Variants in CACNA1S observed in about 807,000 individuals in gnomAD.
CACNA1S encodes voltage-dependent L-type calcium channel subunit alpha-1S.
A neutral mutation model predicts 207.4 loss-of-function variants in CACNA1S; 126 were observed. That is an observed-to-expected ratio of 0.61 (90% CI 0.53 to 0.70). CACNA1S has a LOEUF of 0.70. CACNA1S is among the 30% of genes least tolerant of loss of function. The probability of loss-of-function intolerance (pLI) is 0.00; values close to 1 mark genes in which losing one functional copy is unlikely to be tolerated. For missense variants in CACNA1S, 2,349 were observed against 2,422.8 expected (o/e 0.97, Z 0.64); for synonymous variants, 960 against 932.7 (o/e 1.03, Z -0.53).
chr1:201,073,657 CCA>C lies in CACNA1S; in HGVS notation c.2064-17_2064-16del. ...CTGGGAGACCCCTGAGTTAGAAAAC[CCA>C]AAGTGGAAGCCAAACCAGAAAGTTC... On this transcript the variant is annotated splice_polypyrimidine_tract_variant and intron_variant, in intron 14 of 43. Coordinates refer to ENST00000362061, the MANE Select transcript of CACNA1S (RefSeq NM_000069.3). 6.2e-7 allele frequency: 1 copy of C among 1,606,768 alleles called. No homozygotes were observed. Among genetic ancestry groups the C allele is most frequent in the Non-Finnish European group, 8.5e-7 (1 of 1,173,288 alleles).
chr1:201,072,862 G>C (rs1209459169), intron 15 of CACNA1S, 38 bp from the exon 16 acceptor site: 1 of 1,558,220 alleles, frequency 6.4e-7, no homozygotes, highest in Non-Finnish European at 8.9e-7. Context: ...CAATGAAAAA[G>C]AAGTTGCGGT....
intron 36 of CACNA1S, among the ~76,000 whole-genome samples, chr1:201,047,923 C>T (rs2102554062): frequency 6.6e-6 from 1 of 152,332 alleles, no homozygotes; most frequent in African/African-American, 2.4e-5. Flanking sequence ...TTCAATTCCC[C>T]AGGCACTGTG....
At chr1:201,051,903 C>T (rs1414757891) in intron 32 of CACNA1S, among the ~76,000 whole-genome samples, 1 of 152,200 alleles carries the variant, frequency 6.6e-6, no homozygotes, top group African/African-American at 2.4e-5. Flanking sequence ...TGCCGGTCTC[C>T]TTTTCACAGG....
intron 22 of CACNA1S, 39 bp downstream of exon 22, chr1:201,065,799 G>T: frequency 1.4e-6 from 2 of 1,426,464 alleles, no homozygotes; most frequent in Non-Finnish European, 2.0e-6. Context: ...CCAGGGCTGG[G>T]AGCGGGAGGG....
chr1:201,092,095 C>G lies in CACNA1S; in HGVS notation c.418G>C (p.Glu140Gln), dbSNP rs765663494. 7 of 1,614,010 alleles carry G rather than the reference C, an allele frequency of 4.3e-6. No individual in the cohort carries two copies. Among genetic ancestry groups the G allele is most frequent in the Non-Finnish European group, 5.9e-6 (7 of 1,180,004 alleles). Residue 140 changes from glutamate (E) to glutamine (Q), a missense_variant, in exon 4 of 44, where the codon GAA (glutamate) becomes CAA (glutamine). Glu to Gln is a conservative substitution (Grantham distance 29, BLOSUM62 2). Coordinates refer to ENST00000362061, the MANE Select transcript of CACNA1S (RefSeq NM_000069.3). ...TGGCTTTGGATGACGTTAACCTGTT[C>G]CAGAATCACGGTGAAGACCCTAGAA... Reference protein sequence around the residue: ...VFLGVFTVILEQVNVIQSHTA... With the variant: ...VFLGVFTVILQQVNVIQSHTA...
chr1:201,080,738 T>TG (rs1661813755), intron 10 of CACNA1S, among the ~76,000 whole-genome samples: 3 of 152,132 alleles, frequency 2.0e-5, no homozygotes, highest in South Asian at 4.1e-4. Flanking sequence ...TGCAGTTTTT[T>TG]TTTGTTGTTG....
In CACNA1S at chr1:201,040,711, G is replaced by T; in HGVS notation, c.5137C>A (p.Pro1713Thr). 6.2e-7 allele frequency: 1 copy of T among 1,613,604 alleles called. No individual in the cohort carries two copies. The change falls in exon 42 of 44, where the codon CCC (proline) becomes ACC (threonine). Residue 1713 changes from proline (P) to threonine (T), a missense_variant and splice_region_variant. By Grantham distance (38) the Pro-to-Thr change is conservative. Transcript: ENST00000362061. ...ATCTCCACACAGGGTTTGCTGTGGGGTCCTGTATGCAAGAAGGGGCAAGGA... is the reference window on the plus strand; with the variant it reads ...ATCTCCACACAGGGTTTGCTGTGGGTTCCTGTATGCAAGAAGGGGCAAGGA... Reference protein sequence around the residue: ...ALGQPCRVLGPHSKPCVEMLK... With the variant: ...ALGQPCRVLGTHSKPCVEMLK...
chr1:201,109,559 C>T (rs558135530), intron 2 of CACNA1S, among the ~76,000 whole-genome samples: 4 of 152,240 alleles, frequency 2.6e-5, no homozygotes, highest in African/African-American at 7.2e-5. Context: ...TTTTCTCATC[C>T]ATAAAACAGA....
chr1:201,085,792 A>G (rs1191033696), intron 7 of CACNA1S, among the ~76,000 whole-genome samples: 1 of 151,922 alleles, frequency 6.6e-6, no homozygotes, highest in African/African-American at 2.4e-5. Context: ...CTCCAGGAAC[A>G]TCCTGGAGTA....
intron 10 of CACNA1S, 45 bp from the exon 11 acceptor site, chr1:201,078,149 C>A (rs1363546404): frequency 4.1e-6 from 6 of 1,449,306 alleles, no homozygotes; most frequent in Non-Finnish European, 5.8e-6. Context: ...TCCTTCCCTT[C>A]TCCTGACTCC....
rs369399876 is a variant in CACNA1S at position 201,049,284 on chromosome 1, T to G, written c.4242-185A>C. On this transcript the variant is annotated intron_variant, in intron 34 of 43. Coordinates refer to ENST00000362061, the MANE Select transcript of CACNA1S (RefSeq NM_000069.3). Reference sequence around the variant, plus strand: ...AAGAAGAGACAATGTTAGGATTAACTGTTGTCTACAAAATGGGTACCCCAA... The same window carrying G: ...AAGAAGAGACAATGTTAGGATTAACGGTTGTCTACAAAATGGGTACCCCAA... Among the ~76,000 whole-genome samples the G allele has an allele frequency of 2.4e-4, 37 of 152,362 alleles. No homozygotes were observed. In the East Asian group the frequency reaches 6.0e-3, roughly 25 times the overall value.
rs377170574 is a variant in CACNA1S, at chr1:201,089,244, G to A, written c.900+14C>T. ...TGAAGGGAGATGGTTCTGCAGGCGC[G>A]GGCCCAGACCCACCCAGTAAAGGAC... On this transcript the variant is annotated intron_variant, in intron 6 of 43. Transcript: ENST00000362061. 264 of 1,613,236 alleles carry A rather than the reference G, an allele frequency of 1.6e-4. No individual in the cohort carries two copies. The African/African-American group carries it at 2.9e-3, about 18-fold the overall frequency.
rs757379704 is a variant in CACNA1S at position 201,047,264 on chromosome 1, C to A, written c.4544-25G>T. On this transcript the variant is annotated intron_variant, in intron 37 of 43. Coordinates refer to ENST00000362061, the MANE Select transcript of CACNA1S (RefSeq NM_000069.3). ...TCTGCAGAGGAGCCAACAAGAGATGCCCTGAAGGCTAGTGGGAATCTGACA... is the reference window on the plus strand; with the variant it reads ...TCTGCAGAGGAGCCAACAAGAGATGACCTGAAGGCTAGTGGGAATCTGACA... The A allele has an allele frequency of 2.8e-5, 45 of 1,614,026 alleles. No homozygotes were observed. The Admixed American group carries it at 7.3e-4, about 26-fold the overall frequency.
chr1:201,069,359 C>G, intron 18 of CACNA1S, 113 bp downstream of exon 18: 1 of 1,521,000 alleles, frequency 6.6e-7, no homozygotes, highest in Non-Finnish European at 9.0e-7. Context: ...GAACTGAACT[C>G]TAAGAAACTC....
At chr1:201,080,143 T>C (rs1333810878) in intron 10 of CACNA1S, among the ~76,000 whole-genome samples, 1 of 152,152 alleles carries the variant, frequency 6.6e-6, no homozygotes, top group Non-Finnish European at 1.5e-5. Context: ...GCGTCCCAGA[T>C]TTAGTTCTTC....
chr1:201,040,511 A>G, intron 42 of CACNA1S, 111 bp downstream of exon 42: 1 of 1,389,664 alleles, frequency 7.2e-7, no homozygotes, highest in South Asian at 1.2e-5. Context: ...TCCCTTCTGT[A>G]CTGTTGGACA....
At position 201,066,065 on chromosome 1, in the gene CACNA1S, G is replaced by T; in HGVS notation, c.2746-120C>A. The stretch of plus-strand genomic sequence containing the variant: ...TCCTGATGAGTTGGAGGTGGGGAAA[G>T]GCTGGTGGGGAAGCATAGCTACCCC... On this transcript the variant is annotated intron_variant, in intron 21 of 43. Coordinates refer to ENST00000362061, the MANE Select transcript of CACNA1S (RefSeq NM_000069.3). The surrounding 1 kb of genome is among the most constrained non-coding windows in gnomAD (Gnocchi z 4.3). The T allele has an allele frequency of 1.1e-6, 1 of 931,990 alleles. No homozygotes were observed. Among genetic ancestry groups the T allele is most frequent in the Non-Finnish European group, 1.7e-6 (1 of 582,992 alleles). The allele number at this position is 931,990 out of a possible 1,614,324, so 57.7% of individuals were successfully genotyped here.
intron 5 of CACNA1S, among the ~76,000 whole-genome samples, chr1:201,090,463 G>C (rs1236999418): frequency 1.3e-5 from 2 of 152,164 alleles, no homozygotes; most frequent in Non-Finnish European, 2.9e-5. Flanking sequence ...TTGTGAGTTG[G>C]GTTTAGGACT....
chr1:201,112,404 C>A lies in CACNA1S; in HGVS notation c.-65G>T. 6.2e-7 allele frequency: 1 copy of A among 1,610,526 alleles called. No homozygotes were observed. The highest frequency in any genetic ancestry group is 8.5e-7 in the Non-Finnish European group (1 of 1,179,808). On this transcript the variant is annotated 5_prime_UTR_variant, in exon 1 of 44. Coordinates refer to ENST00000362061, the MANE Select transcript of CACNA1S (RefSeq NM_000069.3). ...CCAGTGCTTTCCCTTCCCTGTGTCC[C>A]CAATGCCCCCGCCTTGGGGACTAGG...
Sources: allele counts gnomAD v4.1 joint callset (sites outside exome capture counted in the v4.1 genomes callset), GRCh38; gene constraint gnomAD v4.1.1; non-coding constraint Gnocchi (gnomAD v3.1); transcripts MANE v1.5; gene names NCBI Gene and HGNC (gene_info 2026-07-23, HGNC 2026-07-21).